Variants in CNIH2 observed in about 807,000 individuals in gnomAD.
The protein encoded by CNIH2 is cornichon family AMPA receptor auxiliary protein 2.
Under a neutral mutation model 22.9 loss-of-function variants are expected in CNIH2, and 8 were observed. That is an observed-to-expected ratio of 0.35 (90% CI 0.20 to 0.63). CNIH2 has a LOEUF of 0.63. Among genes scored for constraint, CNIH2 ranks in the 30% least tolerant of loss-of-function variants. The probability of loss-of-function intolerance (pLI) is 0.72; values close to 1 mark genes in which losing one functional copy is unlikely to be tolerated. For synonymous variants in CNIH2, 74 were observed against 78.2 expected, an observed-to-expected ratio of 0.95 and a Z score of 0.28; for missense variants, 105 against 206.2, an observed-to-expected ratio of 0.51 and a Z score of 3.01.
intron 2 of CNIH2, 91 bp downstream of exon 2, chr11:66,282,418 T>TGTGGTGGGGGGGG: frequency 6.2e-6 from 1 of 161,824 alleles, no homozygotes. Flanking sequence ...AAGACGGGGG[T>TGTGGTGGGGGGGG]GGGGTGGGGG....
At chr11:66,282,634 C>A in intron 2 of CNIH2, 99 bp from the exon 3 acceptor site, 6 of 1,402,346 alleles carry the variant, frequency 4.3e-6, no homozygotes, top group Non-Finnish European at 6.0e-6. Context: ...CCGCAGAGAT[C>A]GCTCTGGCGC....
At chr11:66,282,809 T>A in intron 3 of CNIH2, 29 bp downstream of exon 3, 6 of 1,598,216 alleles carry the variant, frequency 3.8e-6, no homozygotes, top group Non-Finnish European at 5.1e-6. Context: ...GGCAGGAGGC[T>A]CCTAGCCCAG....
chr11:66,278,806 G>A (rs1485452310), intron 1 of CNIH2, among the ~76,000 whole-genome samples: 1 of 144,742 alleles, frequency 6.9e-6, no homozygotes, highest in African/African-American at 2.6e-5. Context: ...CATGCAGCCC[G>A]TGAGGTGGGG....
intron 3 of CNIH2, 118 bp from the exon 4 acceptor site, chr11:66,282,917 T>C: frequency 7.3e-7 from 1 of 1,366,468 alleles, no homozygotes; most frequent in South Asian, 1.2e-5. Context: ...CCAGAGGCCT[T>C]TTAATCCCCA....
rs1051326060 is a variant in CNIH2 at position 66,282,528 on chromosome 11, C to G, written c.150+201C>G. On this transcript the variant is annotated intron_variant, in intron 2 of 5. Coordinates refer to ENST00000311445, the MANE Select transcript of CNIH2 (RefSeq NM_182553.3). ...TCTTGGCGGGGCGGTGGTTGCCAGG[C>G]TCTGGGCCGTTGCCATGGAGACGCG... is the stretch of plus-strand genomic sequence containing the variant. The G allele has an allele frequency of 3.5e-6, 3 of 854,754 alleles. No individual in the cohort carries two copies. In the African/African-American group the frequency reaches 5.1e-5, roughly 14 times the overall value. 52.9% of individuals were successfully genotyped at this position (854,754 alleles called of 1,614,324 possible).
At chr11:66,282,591 C>T (rs147449169) in intron 2 of CNIH2, 142 bp from the exon 3 acceptor site, 21,159 of 1,019,170 alleles carry the variant, frequency 0.021, 277 homozygotes, top group Middle Eastern at 0.04. Context: ...GCCATGGGGA[C>T]GGCGCGGCTG....
In CNIH2 at chr11:66,283,374, C is replaced by A; in HGVS notation, c.438C>A (p.Phe146Leu). The change falls in exon 5 of 6, where the codon TTC (phenylalanine) becomes TTA (leucine). Residue 146 changes from phenylalanine to leucine, a missense_variant. Phe to Leu is a conservative substitution (Grantham distance 22). Transcript: ENST00000311445. ...WCKLAFYLLS[F>L]FYYLYSMVYT... is the part of the protein sequence containing the mutation. Reference sequence around the variant, plus strand: ...AACTTGCCTTCTACCTGCTCTCCTTCTTCTATTACCTGTACAGGTGAGGCC... The same window carrying A: ...AACTTGCCTTCTACCTGCTCTCCTTATTCTATTACCTGTACAGGTGAGGCC... 3 of 1,614,170 alleles carry A rather than the reference C, an allele frequency of 1.9e-6. No individual in the cohort carries two copies. The highest frequency in any genetic ancestry group is 2.5e-6 in the Non-Finnish European group (3 of 1,180,010).
chr11:66,280,511 C>A (rs533498558), intron 1 of CNIH2, among the ~76,000 whole-genome samples: 241 of 152,294 alleles, frequency 1.6e-3, no homozygotes, highest in African/African-American at 5.7e-3. Context: ...AGATCCCACT[C>A]CAGACCCTCA....
In CNIH2 at chr11:66,283,299, C is replaced by A; in HGVS notation, c.363C>A (p.Ser121=). Residue 121 remains serine (S), a synonymous_variant, in exon 5 of 6, where the codon TCC becomes TCA. Coordinates refer to ENST00000311445, the MANE Select transcript of CNIH2 (RefSeq NM_182553.3). ...DGSEVMYDAV[S]IMNADILNYC... ...CTGAGGTCATGTATGATGCGGTCTC[C>A]ATCATGAATGCTGACATTCTCAACT... The A allele has an allele frequency of 1.9e-6, 3 of 1,614,152 alleles. No homozygotes were observed. The East Asian group carries it at 6.7e-5, about 36-fold the overall frequency.
In CNIH2 at chr11:66,278,366, C is replaced by A; in HGVS notation, c.-91C>A. The A allele has an allele frequency of 1.3e-5, 5 of 392,396 alleles. No individual in the cohort carries two copies. Among genetic ancestry groups the A allele is most frequent in the Non-Finnish European group, 1.7e-5 (5 of 288,724 alleles). 24.3% of individuals were successfully genotyped at this position (392,396 alleles called of 1,614,324 possible). On this transcript the variant is annotated 5_prime_UTR_variant, in exon 1 of 6. Coordinates refer to ENST00000311445, the MANE Select transcript of CNIH2 (RefSeq NM_182553.3). ...CGTCCCCCGAGCCCCACGGGCCATG[C>A]CCGGCCGGCCCTAAGCGCGGGCCGG...
chr11:66,282,580 C>A, intron 2 of CNIH2, 153 bp from the exon 3 acceptor site: 2 of 940,626 alleles, frequency 2.1e-6, no homozygotes, highest in Non-Finnish European at 3.2e-6. Context: ...TGGTGACGGT[C>A]GCCATGGGGA....
At chr11:66,282,989 T>A (rs1450969187) in intron 3 of CNIH2, 46 bp from the exon 4 acceptor site, 2 of 1,535,644 alleles carry the variant, frequency 1.3e-6, no homozygotes, top group Non-Finnish European at 1.8e-6. Context: ...TGAAGGCTGG[T>A]CTGTCATAGC....
intron 2 of CNIH2, 96 bp downstream of exon 2, chr11:66,282,423 T>TGGGGGGTGGGGGGGGGGGGGGG: frequency 6.8e-6 from 1 of 147,068 alleles, no homozygotes; most frequent in Non-Finnish European, 1.3e-5. Flanking sequence ...GGGGGTGGGG[T>TGGGGGGTGGGGGGGGGGGGGGG]GGGGGGCCTA....
intron 1 of CNIH2, among the ~76,000 whole-genome samples, chr11:66,279,270 G>A (rs1384312692): frequency 1.3e-5 from 2 of 151,788 alleles, no homozygotes; most frequent in Non-Finnish European, 2.9e-5. Flanking sequence ...TCTTCAAAAT[G>A]TCCATTCCTC....
intron 1 of CNIH2, 60 bp from the exon 2 acceptor site, chr11:66,282,199 A>G: frequency 7.0e-7 from 1 of 1,422,892 alleles, no homozygotes; most frequent in Non-Finnish European, 9.9e-7. Flanking sequence ...CCACAGAAGG[A>G]CTTGGGGGAA....
In CNIH2 at chr11:66,282,643, GC is replaced by G. The variant is rs1168556319; in HGVS notation, c.151-85del. On this transcript the variant is annotated intron_variant, in intron 2 of 5. Transcript: ENST00000311445. ...ACAGTGCCGCAGAGATCGCTCTGGC[GC>G]CCCCTGGCGGCCACATGTGGAGCGG... 18 of 1,456,756 alleles carry G rather than the reference GC, an allele frequency of 1.2e-5. No homozygotes were observed. In the African/African-American group the frequency reaches 1.7e-4, roughly 14 times the overall value. The allele number at this position is 1,456,756 out of a possible 1,614,324, so 90.2% of individuals were successfully genotyped here. A position where few individuals can be genotyped will look rare whatever the true frequency, so the allele number is the denominator to read the frequency against.
In CNIH2 at chr11:66,282,792, G is replaced by A. The variant is rs776625693; in HGVS notation, c.198+12G>A. ...GCCTCCTGAGGAAGGTCAGTGTCAG[G>A]GCTGGGGGCAGGAGGCTCCTAGCCC... On this transcript the variant is annotated intron_variant, in intron 3 of 5. Transcript: ENST00000311445. The A allele has an allele frequency of 5.0e-6, 8 of 1,607,450 alleles. No individual in the cohort carries two copies. Among genetic ancestry groups the A allele is most frequent in the Admixed American group, 1.7e-5 (1 of 59,452 alleles).
rs574076963 is a variant in CNIH2 at position 66,282,168 on chromosome 11, G to A, written c.82-91G>A. On this transcript the variant is annotated intron_variant, in intron 1 of 5. Coordinates refer to ENST00000311445, the MANE Select transcript of CNIH2 (RefSeq NM_182553.3). ...CCTTTGCAACAAGCTCCACCTGGCT[G>A]GTCCTCTTCAGTAAACTATCCCACA... is the stretch of plus-strand genomic sequence containing the variant. The A allele has an allele frequency of 2.7e-6, 3 of 1,131,436 alleles. No individual in the cohort carries two copies. In the South Asian group the frequency reaches 3.7e-5, roughly 14 times the overall value. The allele number at this position is 1,131,436 out of a possible 1,614,324, so 70.1% of individuals were successfully genotyped here. A position where few individuals can be genotyped will look rare whatever the true frequency, so the allele number is the denominator to read the frequency against.
chr11:66,283,855 T>C lies in CNIH2; in HGVS notation c.*258T>C. 2.0e-6 allele frequency: 1 copy of C among 502,084 alleles called. No individual in the cohort carries two copies. The highest frequency in any genetic ancestry group is 1.9e-5 in the African/African-American group (1 of 51,764). 31.1% of individuals were successfully genotyped at this position (502,084 alleles called of 1,614,324 possible). On this transcript the variant is annotated 3_prime_UTR_variant, in exon 6 of 6. Coordinates refer to ENST00000311445, the MANE Select transcript of CNIH2 (RefSeq NM_182553.3). ...TGCCAGCCTGTGGGCATGGCAGTCA[T>C]TCCTGGAAGGGGCAGGACCTCCGGC...
Sources: gnomAD v4.1 joint callset for allele counts (sites outside exome capture counted in the v4.1 genomes callset) on GRCh38, gnomAD v4.1.1 for gene constraint, MANE v1.5 for transcripts, NCBI Gene and HGNC (gene_info 2026-07-23, HGNC 2026-07-21) for gene names.